The following PLOD2 variants were observed in gnomAD, a reference collection of about 807,000 sequenced individuals.
The protein encoded by PLOD2 is procollagen-lysine,2-oxoglutarate 5-dioxygenase 2.
PLOD2 carries 65 observed loss-of-function variants against 101.0 expected under a neutral mutation model. The ratio of observed to expected loss-of-function variants is 0.64; its 90% CI spans 0.53 to 0.79. The LOEUF is 0.79. PLOD2 is among the 30% of genes least tolerant of loss of function. PLOD2 has a pLI of 0.00. For synonymous variants in PLOD2, 314 were observed against 302.9 expected (o/e 1.04, Z -0.38); for missense variants, 909 against 914.6 (o/e 0.99, Z 0.08).
chr3:146,071,156 T>G lies in PLOD2; in HGVS notation c.2007A>C (p.Leu669=), dbSNP rs1354454461. ...FAGYYTKGFA[L]LNFVVKYSPE... ...GGGAGTATTTTACTACAAAATTCAG[T>G]AGTGCAAATCCCTGAAAAAGCAAAG... The change falls in exon 19 of 20, where the codon CTA becomes CTC. Residue 669 remains leucine, a synonymous_variant. Coordinates refer to ENST00000282903, the MANE Select transcript of PLOD2 (RefSeq NM_182943.3). 6.2e-7 allele frequency: 1 copy of G among 1,611,144 alleles called. No individual in the cohort carries two copies. Among genetic ancestry groups the G allele is most frequent in the South Asian group, 1.1e-5 (1 of 90,992 alleles).
At chr3:146,122,847 G>T (rs1035604618) in intron 2 of PLOD2, among the ~76,000 whole-genome samples, 4 of 152,086 alleles carry the variant, frequency 2.6e-5, no homozygotes, top group African/African-American at 9.6e-5. Context: ...TTCCTTACAA[G>T]GTGCCTTGCA....
rs1041740398 is a variant in PLOD2, at chr3:146,071,405, C to T, written c.1867G>A (p.Gly623Ser). The change falls in exon 18 of 20, where the codon GGT (glycine) becomes AGT (serine). Residue 623 changes from glycine to serine, a missense_variant. Gly to Ser is a moderately conservative substitution (Grantham distance 56). Coordinates refer to ENST00000282903, the MANE Select transcript of PLOD2 (RefSeq NM_182943.3). Reference sequence around the variant, plus strand: ...TCATCAGTTGGGACATTTTCATAACCACCAGATATACGGCTATCCTAGAAA... The same window carrying T: ...TCATCAGTTGGGACATTTTCATAACTACCAGATATACGGCTATCCTAGAAA... ...GKHHDSRISGGYENVPTDDIH... is the reference protein window; with the variant it reads ...GKHHDSRISGSYENVPTDDIH... 6.2e-7 allele frequency: 1 copy of T among 1,611,696 alleles called. No individual in the cohort carries two copies. Among genetic ancestry groups the T allele is most frequent in the African/African-American group, 1.3e-5 (1 of 74,714 alleles).
chr3:146,091,658 C>A lies in PLOD2; in HGVS notation c.879+142G>T, dbSNP rs1936971406. On this transcript the variant is annotated intron_variant, in intron 8 of 19. Transcript: ENST00000282903. ...ACACAAATCTAGCAAATGGCTGAAT[C>A]ATCATGTTTTAACACTATATCCCCA... The A allele has an allele frequency of 1.1e-5, 7 of 618,324 alleles. No individual in the cohort carries two copies. The East Asian group carries it at 1.7e-4, about 15-fold the overall frequency. The allele number at this position is 618,324 out of a possible 1,614,324, so 38.3% of individuals were successfully genotyped here. A position where few individuals can be genotyped will look rare whatever the true frequency, so the allele number is the denominator to read the frequency against.
chr3:146,105,432 A>G (rs929547390), intron 5 of PLOD2, among the ~76,000 whole-genome samples: 2 of 152,098 alleles, frequency 1.3e-5, no homozygotes, highest in African/African-American at 4.8e-5. Context: ...TACAGGCTCT[A>G]TCCACTCTGG....
intron 3 of PLOD2, among the ~76,000 whole-genome samples, chr3:146,115,482 A>C (rs1576606187): frequency 6.6e-6 from 1 of 151,966 alleles, no homozygotes; most frequent in African/African-American, 2.4e-5. Flanking sequence ...AAAATCTTTC[A>C]TTCACCCTTC....
chr3:146,139,507 G>A (rs924031793), intron 1 of PLOD2, among the ~76,000 whole-genome samples: 1 of 152,124 alleles, frequency 6.6e-6, no homozygotes, highest in Non-Finnish European at 1.5e-5. Flanking sequence ...CCCCGGTAGC[G>A]TTATAAACGC....
chr3:146,076,682 A>T, intron 15 of PLOD2, 100 bp downstream of exon 15: 1 of 681,178 alleles, frequency 1.5e-6, no homozygotes, highest in East Asian at 2.6e-5. Context: ...ACCTTATGTC[A>T]TTTTAAAAAG....
intron 1 of PLOD2, among the ~76,000 whole-genome samples, chr3:146,157,727 T>C (rs1173510616): frequency 1.3e-5 from 2 of 152,238 alleles, no homozygotes; most frequent in African/African-American, 4.8e-5. Context: ...GTTTTATATG[T>C]CTGTTGTCAT....
chr3:146,109,997 C>T (rs536037061), intron 4 of PLOD2, among the ~76,000 whole-genome samples: 134 of 152,148 alleles, frequency 8.8e-4, no homozygotes, highest in African/African-American at 3.1e-3. Context: ...ATTAAAGGAA[C>T]TGGATCCATA....
At chr3:146,135,751 C>T (rs574468703) in intron 1 of PLOD2, among the ~76,000 whole-genome samples, 2 of 152,036 alleles carry the variant, frequency 1.3e-5, no homozygotes, top group Non-Finnish European at 2.9e-5. Context: ...CTATTCCACT[C>T]GGCATCTTTT....
Position 146,070,892 on chromosome 3 carries a change from G to T in PLOD2, c.2122-20C>A. 1 of 1,589,728 alleles carries T rather than the reference G, an allele frequency of 6.3e-7. No homozygotes were observed. ...ACCTCCCTAAAAAAGTTAAAATGAA[G>T]AAATACATCAGATTATATTTAACCA... is the stretch of plus-strand genomic sequence containing the variant. On this transcript the variant is annotated intron_variant, in intron 19 of 19. Transcript: ENST00000282903.
At chr3:146,120,069 AG>A (rs1263548770) in intron 3 of PLOD2, among the ~76,000 whole-genome samples, 2 of 151,876 alleles carry the variant, frequency 1.3e-5, no homozygotes, top group Non-Finnish European at 2.9e-5. Context: ...ACAGTGTAAA[AG>A]TGTTCCTATT....
At chr3:146,097,050 G>T (rs1937209246) in intron 7 of PLOD2, among the ~76,000 whole-genome samples, 1 of 147,956 alleles carries the variant, frequency 6.8e-6, no homozygotes, top group Non-Finnish European at 1.5e-5. Flanking sequence ...GAGGTGAGGG[G>T]CTCCTCTGCC....
chr3:146,148,647 A>G (rs1164501630), intron 1 of PLOD2, among the ~76,000 whole-genome samples: 1 of 152,180 alleles, frequency 6.6e-6, no homozygotes, highest in East Asian at 1.9e-4. Context: ...ATAAAAGAGG[A>G]AATAACACAA....
intron 12 of PLOD2, 127 bp downstream of exon 12, chr3:146,081,611 G>T: frequency 2.9e-6 from 2 of 696,718 alleles, no homozygotes; most frequent in Non-Finnish European, 2.4e-6. Flanking sequence ...AAGTGGTCTT[G>T]GGTTCTCAAA....
At chr3:146,123,265 C>G (rs1475691140) in intron 2 of PLOD2, 1 of 1,120,506 alleles carries the variant, frequency 8.9e-7, no homozygotes, top group Non-Finnish European at 1.1e-6. Flanking sequence ...GTGTTCCTAC[C>G]TAGGTATCTC....
chr3:146,083,344 T>C (rs527773325), intron 11 of PLOD2, among the ~76,000 whole-genome samples: 2 of 152,290 alleles, frequency 1.3e-5, no homozygotes, highest in East Asian at 3.9e-4. Context: ...GAAAGCCACA[T>C]GCCCAAGATG....
At position 146,137,238 on chromosome 3, in the gene PLOD2, T is replaced by C. The variant is rs147434510; in HGVS notation, c.110-13009A>G. On this transcript the variant is annotated intron_variant, in intron 1 of 19. Coordinates refer to ENST00000282903, the MANE Select transcript of PLOD2 (RefSeq NM_182943.3). ...GCTCCATAATGTTGCTTCTAAATAATTGGCTTTATAGCACCATTTTGATGC... is the reference window on the plus strand; with the variant it reads ...GCTCCATAATGTTGCTTCTAAATAACTGGCTTTATAGCACCATTTTGATGC... Among the ~76,000 whole-genome samples the C allele has an allele frequency of 3.1e-4, 47 of 152,322 alleles. 1 individual carries two copies. The highest frequency in any genetic ancestry group is 1.1e-3 in the African/African-American group (44 of 41,586).
At chr3:146,140,351 C>T (rs904198461) in intron 1 of PLOD2, among the ~76,000 whole-genome samples, 1 of 151,986 alleles carries the variant, frequency 6.6e-6, no homozygotes, top group Non-Finnish European at 1.5e-5. Flanking sequence ...CATGACATTC[C>T]TCATCAGAAA....
Sources: allele counts gnomAD v4.1 joint callset (sites outside exome capture counted in the v4.1 genomes callset), GRCh38; gene constraint gnomAD v4.1.1; transcripts MANE v1.5; gene names NCBI Gene and HGNC (gene_info 2026-07-23, HGNC 2026-07-21).